Variants in SUMF1 observed in about 807,000 individuals in gnomAD.
SUMF1 encodes sulfatase modifying factor 1, also known as formylglycine-generating enzyme.
In SUMF1, 48 loss-of-function variants were observed where a neutral mutation model predicts 47.6. The ratio of observed to expected loss-of-function variants is 1.01; its 90% CI spans 0.80 to 1.28. SUMF1 has a LOEUF of 1.28. Ranked by LOEUF, SUMF1 falls within the 50% of genes most tolerant of loss-of-function variation. The probability of loss-of-function intolerance (pLI) is 0.00; values close to 1 mark genes in which losing one functional copy is unlikely to be tolerated. For synonymous variants in SUMF1, 230 were observed against 192.1 expected (o/e 1.20, Z -1.63); for missense variants, 571 against 485.4 (o/e 1.18, Z -1.66).
At chr3:4,339,023 C>G (rs1346859996) in intron 8 of SUMF1, among the ~76,000 whole-genome samples, 1 of 152,130 alleles carries the variant, frequency 6.6e-6, no homozygotes, top group Non-Finnish European at 1.5e-5. Flanking sequence ...CGTTAACTTT[C>G]CAACCAAGTT....
intron 2 of SUMF1, among the ~76,000 whole-genome samples, chr3:4,451,161 G>A (rs1702955255): frequency 6.6e-6 from 1 of 151,886 alleles, no homozygotes; most frequent in Admixed American, 6.6e-5. Flanking sequence ...ACAAACCAGT[G>A]CTATAGTATT....
intron 1 of SUMF1, among the ~76,000 whole-genome samples, chr3:4,455,534 G>A (rs980602548): frequency 4.6e-5 from 7 of 152,134 alleles, no homozygotes; most frequent in African/African-American, 1.2e-4. Flanking sequence ...TGGCCAACAC[G>A]GTGAAACCCC....
intron 8 of SUMF1, among the ~76,000 whole-genome samples, chr3:4,299,127 T>C (rs945105462): frequency 6.6e-6 from 1 of 152,208 alleles, no homozygotes; most frequent in Non-Finnish European, 1.5e-5. Context: ...TACACAACTA[T>C]ATCTGATAAA....
At chr3:4,425,347 T>C (rs1431525636) in intron 3 of SUMF1, among the ~76,000 whole-genome samples, 4 of 152,204 alleles carry the variant, frequency 2.6e-5, no homozygotes, top group Non-Finnish European at 4.4e-5. Flanking sequence ...TAAAAATACA[T>C]GTAAAGTGCT....
intron 8 of SUMF1, among the ~76,000 whole-genome samples, chr3:4,282,981 G>A (rs1303424868): frequency 6.6e-6 from 1 of 152,116 alleles, no homozygotes; most frequent in African/African-American, 2.4e-5. Flanking sequence ...TCTACTCTGA[G>A]AACAAAATGA....
intron 8 of SUMF1, among the ~76,000 whole-genome samples, chr3:4,156,917 T>G (rs1299248851): frequency 6.6e-6 from 1 of 151,674 alleles, no homozygotes; most frequent in African/African-American, 2.4e-5. Flanking sequence ...ATAAAATGCA[T>G]GTGTCTTCAT....
intron 8 of SUMF1, among the ~76,000 whole-genome samples, chr3:4,225,850 T>A (rs1358857687): frequency 6.6e-6 from 1 of 152,172 alleles, no homozygotes; most frequent in East Asian, 1.9e-4. Flanking sequence ...AATGGTTGAA[T>A]AACCCCAGTC....
At chr3:4,399,486 G>C (rs1701140135) in intron 7 of SUMF1, among the ~76,000 whole-genome samples, 1 of 152,196 alleles carries the variant, frequency 6.6e-6, no homozygotes, top group Non-Finnish European at 1.5e-5. Flanking sequence ...GAATTATTGA[G>C]TTGGAATATA....
intron 9 of SUMF1, among the ~76,000 whole-genome samples, chr3:4,052,489 C>T (rs1695128795): frequency 6.6e-6 from 1 of 152,156 alleles, no homozygotes; most frequent in Admixed American, 6.6e-5. Flanking sequence ...CTCATGCCTC[C>T]CAGAGAAACT....
intron 8 of SUMF1, among the ~76,000 whole-genome samples, chr3:4,209,152 T>A (rs575613959): frequency 5.2e-4 from 79 of 152,302 alleles, no homozygotes; most frequent in African/African-American, 1.8e-3. Context: ...AATGATTCAA[T>A]TCAATAAAAT....
chr3:4,038,048 T>C lies in SUMF1; in HGVS notation c.1191+30521A>G, dbSNP rs549590660. 2.0e-5 allele frequency among the ~76,000 whole-genome samples: 3 copies of C among 152,228 alleles called. No individual in the cohort carries two copies. The East Asian group carries it at 5.8e-4, about 29-fold the overall frequency. ...TCGGTCAATGATCTGAAAGTGTGAG[T>C]TCCTCTCCCACTTAAGAGCTGGCTG... is the stretch of plus-strand genomic sequence containing the variant. On this transcript the variant is annotated intron_variant and NMD_transcript_variant, in intron 9 of 12. Coordinates refer to the SUMF1 transcript ENST00000448413.
At chr3:4,120,632 A>G (rs567979920) in intron 8 of SUMF1, among the ~76,000 whole-genome samples, 21 of 152,176 alleles carry the variant, frequency 1.4e-4, no homozygotes, top group African/African-American at 5.1e-4. Context: ...CTCTCTCACC[A>G]CAGATATCAG....
chr3:4,379,584 G>T (rs1700434396), intron 7 of SUMF1, among the ~76,000 whole-genome samples: 1 of 152,206 alleles, frequency 6.6e-6, no homozygotes, highest in Non-Finnish European at 1.5e-5. Flanking sequence ...AGAGTGGGAG[G>T]CTGAGGCCAA....
chr3:4,367,910 C>G (rs1173827455), intron 8 of SUMF1, among the ~76,000 whole-genome samples: 1 of 151,868 alleles, frequency 6.6e-6, no homozygotes, highest in Non-Finnish European at 1.5e-5. Context: ...CATTACCATT[C>G]AGGACATAGG....
intron 8 of SUMF1, chr3:4,313,653 G>A (rs140605054): frequency 6.2e-7 from 1 of 1,614,028 alleles, no homozygotes; most frequent in South Asian, 1.1e-5. Context: ...ACAGTTCTCT[G>A]TACTGCCCCG....
At chr3:4,286,491 A>C (rs1355060436) in intron 8 of SUMF1, among the ~76,000 whole-genome samples, 1 of 152,138 alleles carries the variant, frequency 6.6e-6, no homozygotes, top group Admixed American at 6.5e-5. Flanking sequence ...AACTTATTTG[A>C]AGAAAGAATA....
At chr3:4,399,383 CT>C (rs757605892) in intron 7 of SUMF1, among the ~76,000 whole-genome samples, 32 of 152,268 alleles carry the variant, frequency 2.1e-4, no homozygotes, top group Non-Finnish European at 4.4e-4. Context: ...GGAGACCACT[CT>C]TCCCCCCCAA....
intron 3 of SUMF1, among the ~76,000 whole-genome samples, chr3:4,434,136 T>G (rs916849297): frequency 6.6e-6 from 1 of 152,234 alleles, no homozygotes; most frequent in Admixed American, 6.5e-5. Context: ...GAAGAGTTAT[T>G]GTTTAATGAG....
chr3:4,217,852 C>A (rs1343433016), intron 8 of SUMF1, among the ~76,000 whole-genome samples: 3 of 141,364 alleles, frequency 2.1e-5, no homozygotes, highest in Non-Finnish European at 3.0e-5. Flanking sequence ...AGCTGAGAAA[C>A]AATTTGCAGG....
Sources: allele counts gnomAD v4.1 joint callset (sites outside exome capture counted in the v4.1 genomes callset), GRCh38; gene constraint gnomAD v4.1.1; transcripts MANE v1.5; gene names NCBI Gene and HGNC (gene_info 2026-07-23, HGNC 2026-07-21).